Variants in PCDHA5 observed in about 807,000 individuals in gnomAD.
PCDHA5 encodes the protein protocadherin alpha 5, also known as protocadherin alpha-5.
In PCDHA5, 43 loss-of-function variants were observed where a neutral mutation model predicts 61.6. That is an observed-to-expected ratio of 0.70 (90% CI 0.55 to 0.90). The LOEUF (loss-of-function observed/expected upper bound fraction) is 0.90. PCDHA5 is among the 40% of genes least tolerant of loss of function. The pLI is 0.00. For synonymous variants in PCDHA5, 627 were observed against 543.9 expected, an observed-to-expected ratio of 1.15 and a Z score of -2.13; for missense variants, 1,298 against 1,222.7, an observed-to-expected ratio of 1.06 and a Z score of -0.92.
At chr5:140,990,130 G>A (rs1448603304) in intron 3 of PCDHA5, among the ~76,000 whole-genome samples, 1 of 152,066 alleles carries the variant, frequency 6.6e-6, no homozygotes, top group Admixed American at 6.6e-5. Flanking sequence ...GTAGAAGTCA[G>A]ACTCAAGAGG....
At chr5:140,832,201 G>A (rs2150200141) in intron 1 of PCDHA5, among the ~76,000 whole-genome samples, 53 of 152,338 alleles carry the variant, frequency 3.5e-4, no homozygotes, top group African/African-American at 1.3e-3. Flanking sequence ...AACCTGCTGA[G>A]TCCTCAGTGA....
rs182904804 is a variant in PCDHA5 at position 140,841,857 on chromosome 5, T to A, written c.2352+17730T>A. 6.2e-6 allele frequency: 10 copies of A among 1,613,860 alleles called. 1 individual carries two copies. In the Admixed American group the frequency reaches 1.0e-4, roughly 16 times the overall value. ...AGGCTTAGCTCTCATGATTACTTCA[T>A]GCTAGATGTGAATTCAAAGAACGAT... On this transcript the variant is annotated intron_variant, in intron 1 of 3. Transcript: ENST00000529859.
intron 1 of PCDHA5, among the ~76,000 whole-genome samples, chr5:140,931,932 T>C (rs1163129550): frequency 6.6e-6 from 1 of 151,986 alleles, no homozygotes; most frequent in South Asian, 2.1e-4. Context: ...ATGATTATAA[T>C]GTGTGTCTGA....
intron 2 of PCDHA5, among the ~76,000 whole-genome samples, chr5:140,979,396 G>C (rs2096848299): frequency 6.6e-6 from 1 of 151,692 alleles, no homozygotes; most frequent in South Asian, 2.1e-4. Flanking sequence ...ATACATACAT[G>C]TTGTCTACCT....
chr5:140,857,164 C>A (rs782269515), intron 1 of PCDHA5: 3 of 1,598,230 alleles, frequency 1.9e-6, no homozygotes, highest in South Asian at 1.1e-5. Context: ...CCCTAATCAG[C>A]GTTTCTGACC....
intron 1 of PCDHA5, among the ~76,000 whole-genome samples, chr5:140,976,681 A>T (rs2096726641): frequency 6.6e-6 from 1 of 152,206 alleles, no homozygotes; most frequent in Non-Finnish European, 1.5e-5. Context: ...TCATTTTTGC[A>T]ATTTAAGTAC....
chr5:140,895,170 T>C (rs2064890754), intron 1 of PCDHA5, among the ~76,000 whole-genome samples: 1 of 152,176 alleles, frequency 6.6e-6, no homozygotes, highest in Admixed American at 6.5e-5. Flanking sequence ...TCCAATCTAT[T>C]TGTAGTCCCT....
In PCDHA5 at chr5:140,822,210, A is replaced by G; in HGVS notation, c.435A>G (p.Arg145=). ...AAAGATTATTCATTTTAGAGTCAAG[A>G]ATGCCAGATTCGCGGTTTCCGCTAG... ...QEQRLFILES[R]MPDSRFPLEG... Residue 145 remains arginine (R), a synonymous_variant, in exon 1 of 4, where the codon AGA becomes AGG. Coordinates refer to ENST00000529859, the MANE Select transcript of PCDHA5 (RefSeq NM_018908.3). 1 of 1,614,220 alleles carries G rather than the reference A, an allele frequency of 6.2e-7. No individual in the cohort carries two copies. The highest frequency in any genetic ancestry group is 2.2e-5 in the East Asian group (1 of 44,888).
chr5:140,973,148 T>G (rs2096574239), intron 1 of PCDHA5, among the ~76,000 whole-genome samples: 1 of 152,210 alleles, frequency 6.6e-6, no homozygotes, highest in Non-Finnish European at 1.5e-5. Context: ...TTCACTTATT[T>G]TAAAGCAATT....
At chr5:140,905,211 G>T (rs1554191947) in intron 1 of PCDHA5, among the ~76,000 whole-genome samples, 1 of 152,130 alleles carries the variant, frequency 6.6e-6, no homozygotes, top group South Asian at 2.1e-4. Context: ...GTTGATTTTT[G>T]TGTAAGGTGA....
At chr5:140,913,160 G>T (rs1437493261) in intron 1 of PCDHA5, among the ~76,000 whole-genome samples, 4 of 152,156 alleles carry the variant, frequency 2.6e-5, no homozygotes, top group African/African-American at 9.7e-5. Flanking sequence ...AGTAGGATTG[G>T]TATTAGTTCT....
chr5:140,823,743 C>T lies in PCDHA5; in HGVS notation c.1968C>T (p.Pro656=), dbSNP rs1554129577. Residue 656 remains proline, a synonymous_variant, in exon 1 of 4, where the codon CCC becomes CCT. Transcript: ENST00000529859. ...TGCTGGTGAAGGACCATGGAGAGCC[C>T]CCGCTGACAGCCACAGCCACAGTGC... is the stretch of plus-strand genomic sequence containing the variant. ...LLVLVKDHGE[P]PLTATATVLV... The T allele has an allele frequency of 8.1e-6, 13 of 1,613,718 alleles. No homozygotes were observed. The highest frequency in any genetic ancestry group is 1.1e-5 in the Non-Finnish European group (13 of 1,179,926).
At chr5:140,882,488 C>T in intron 1 of PCDHA5, 6 of 1,614,074 alleles carry the variant, frequency 3.7e-6, no homozygotes, top group South Asian at 1.1e-5. Context: ...ACACGGGGAC[C>T]TTCTGGAGGT....
intron 1 of PCDHA5, chr5:140,882,890 C>T (rs2059348397): frequency 6.2e-7 from 1 of 1,614,060 alleles, no homozygotes; most frequent in East Asian, 2.2e-5. Flanking sequence ...AATTCAGGAA[C>T]ATAGTTTATT....
At chr5:140,966,670 G>C in intron 1 of PCDHA5, 1 of 1,283,064 alleles carries the variant, frequency 7.8e-7, no homozygotes, top group Non-Finnish European at 1.0e-6. Flanking sequence ...AGCAGGCGCA[G>C]GGTGGCACGA....
At chr5:140,881,330 G>A (rs2153378633) in intron 1 of PCDHA5, 1 of 984,626 alleles carries the variant, frequency 1.0e-6, no homozygotes, top group Non-Finnish European at 1.2e-6. Context: ...ATTTAACCAG[G>A]ACGCCGATTC....
chr5:140,881,659 T>C (rs2058783076), intron 1 of PCDHA5, among the ~76,000 whole-genome samples: 1 of 152,240 alleles, frequency 6.6e-6, no homozygotes, highest in African/African-American at 2.4e-5. Flanking sequence ...CTTCACCGAT[T>C]TTATTCTTAT....
chr5:140,869,229 C>G, intron 1 of PCDHA5: 1 of 1,613,752 alleles, frequency 6.2e-7, no homozygotes, highest in Non-Finnish European at 8.5e-7. Context: ...CCAAACACGG[C>G]ACCTTCGTGG....
intron 3 of PCDHA5, chr5:140,989,066 C>T (rs2097328502): frequency 6.6e-6 from 1 of 152,200 alleles, no homozygotes; most frequent in South Asian, 2.1e-4. Flanking sequence ...TGAGGCAATA[C>T]AGTCTGGCCT....
Sources: allele counts gnomAD v4.1 joint callset (sites outside exome capture counted in the v4.1 genomes callset), GRCh38; gene constraint gnomAD v4.1.1; transcripts MANE v1.5; gene names NCBI Gene and HGNC (gene_info 2026-07-23, HGNC 2026-07-21).